Variants in TRAK1 observed in about 807,000 individuals in gnomAD.
TRAK1 encodes the protein trafficking kinesin protein 1.
In TRAK1, 33 loss-of-function variants were observed where a neutral mutation model predicts 92.1. That is an observed-to-expected ratio of 0.36 (90% CI 0.27 to 0.48). The LOEUF is 0.48. Ranked by LOEUF, TRAK1 falls within the 20% of genes least tolerant of loss-of-function variation. TRAK1 has a pLI of 0.99. For missense variants in TRAK1, 1,123 were observed against 1,257.9 expected, an observed-to-expected ratio of 0.89 and a Z score of 1.62; for synonymous variants, 521 against 517.3, an observed-to-expected ratio of 1.01 and a Z score of -0.10.
intron 1 of TRAK1, among the ~76,000 whole-genome samples, chr3:42,124,574 G>A (rs1183164003): frequency 6.6e-6 from 1 of 152,220 alleles, no homozygotes; most frequent in Non-Finnish European, 1.5e-5. Flanking sequence ...GCATTAGTAT[G>A]CACCCCCTGA....
At chr3:42,081,156 G>C (rs1704417670) in intron 1 of TRAK1, among the ~76,000 whole-genome samples, 1 of 152,196 alleles carries the variant, frequency 6.6e-6, no homozygotes, top group Non-Finnish European at 1.5e-5. Context: ...GGATTATGGT[G>C]TGAGCCACTG....
chr3:42,159,058 T>C (rs936716358), intron 2 of TRAK1, among the ~76,000 whole-genome samples: 11 of 151,886 alleles, frequency 7.2e-5, no homozygotes, highest in Non-Finnish European at 1.2e-4. Context: ...ATCTCTGGTT[T>C]TCTATTTAGA....
chr3:42,203,862 T>G, intron 13 of TRAK1: 1 of 903,676 alleles, frequency 1.1e-6, no homozygotes, highest in Non-Finnish European at 1.3e-6. Flanking sequence ...GTATTAAAAT[T>G]AAAAAGAATC....
Position 42,014,388 on chromosome 3 carries a change from C to T in TRAK1, c.-519+271C>T, listed in dbSNP as rs1259527731. ...TCCGAGGTGACAGTGAGGCGACCTTCAAAGAGCCTGGAGCTGAGCGCGGGC... is the reference window on the plus strand; with the variant it reads ...TCCGAGGTGACAGTGAGGCGACCTTTAAAGAGCCTGGAGCTGAGCGCGGGC... On this transcript the variant is annotated intron_variant, in intron 1 of 16. Coordinates refer to the TRAK1 transcript ENST00000487159. Among the ~76,000 whole-genome samples the T allele has an allele frequency of 2.6e-5, 4 of 152,182 alleles. No individual in the cohort carries two copies. In the South Asian group the frequency reaches 6.2e-4, roughly 24 times the overall value.
At chr3:42,182,299 C>CTT (rs57384116) in intron 3 of TRAK1, among the ~76,000 whole-genome samples, 2 of 144,290 alleles carry the variant, frequency 1.4e-5, no homozygotes, top group African/African-American at 2.6e-5. Context: ...GCAACTCTCT[C>CTT]TTTTTTTTTT....
At chr3:42,019,875 A>G (rs1701666042) in intron 1 of TRAK1, among the ~76,000 whole-genome samples, 1 of 152,260 alleles carries the variant, frequency 6.6e-6, no homozygotes, top group African/African-American at 2.4e-5. Context: ...CAATGAGAGC[A>G]GAAACTACCC....
chr3:42,042,935 T>A (rs9850297), intron 1 of TRAK1, among the ~76,000 whole-genome samples: 19,920 of 151,890 alleles, frequency 0.13, 1,785 homozygotes, highest in African/African-American at 0.25. Context: ...ATTATACTTA[T>A]CTCCTCATCT....
intron 1 of TRAK1, among the ~76,000 whole-genome samples, chr3:42,102,987 A>G (rs1054464302): frequency 3.3e-5 from 5 of 152,170 alleles, no homozygotes; most frequent in Admixed American, 1.3e-4. Flanking sequence ...TGCTTCATAC[A>G]GTTCATCCAT....
intron 2 of TRAK1, among the ~76,000 whole-genome samples, chr3:42,130,743 C>T (rs1372971773): frequency 6.6e-6 from 1 of 152,086 alleles, no homozygotes; most frequent in Non-Finnish European, 1.5e-5. Context: ...GCATATTAAA[C>T]CAGCTCCCCT....
At chr3:42,206,080 A>G (rs1025208062) in intron 13 of TRAK1, among the ~76,000 whole-genome samples, 5 of 152,254 alleles carry the variant, frequency 3.3e-5, no homozygotes, top group African/African-American at 1.2e-4. Flanking sequence ...AGAAATGGAA[A>G]GAAAGAGGTA....
At chr3:42,069,351 G>T (rs5029848) in intron 1 of TRAK1, among the ~76,000 whole-genome samples, 74,837 of 149,226 alleles carry the variant, frequency 0.5, 20,066 homozygotes, top group South Asian at 0.68. Flanking sequence ...AAAGTTATGG[G>T]TGGGTCGGAT....
At chr3:42,217,601 A>G (rs1440990373) in intron 14 of TRAK1, 4 of 985,242 alleles carry the variant, frequency 4.1e-6, no homozygotes, top group Non-Finnish European at 3.6e-6. Context: ...TATTCTGGCC[A>G]TATGTTTAAA....
At chr3:42,073,280 G>A (rs192820125) in intron 1 of TRAK1, among the ~76,000 whole-genome samples, 73 of 152,276 alleles carry the variant, frequency 4.8e-4, no homozygotes, top group African/African-American at 1.7e-3. Context: ...ACACTGCTCC[G>A]ACTTTCTGAC....
chr3:42,094,394 CAG>C (rs1449175032), intron 1 of TRAK1, among the ~76,000 whole-genome samples: 42 of 152,320 alleles, frequency 2.8e-4, no homozygotes, highest in African/African-American at 9.4e-4. Context: ...CTTTTAGAGT[CAG>C]AGTCTCACTC....
At chr3:42,048,460 T>A (rs1293368540) in intron 1 of TRAK1, among the ~76,000 whole-genome samples, 1 of 152,240 alleles carries the variant, frequency 6.6e-6, no homozygotes, top group African/African-American at 2.4e-5. Context: ...TATTCTGTGT[T>A]CCACCTGCTC....
At chr3:42,176,999 G>T in intron 3 of TRAK1, 109 bp downstream of exon 3, 1 of 1,033,660 alleles carries the variant, frequency 9.7e-7, no homozygotes, top group Non-Finnish European at 1.5e-6. Flanking sequence ...CTTGGAAATT[G>T]GTCTCTTTCG....
intron 2 of TRAK1, among the ~76,000 whole-genome samples, chr3:42,165,553 G>A (rs531756591): frequency 1.1e-4 from 17 of 152,180 alleles, no homozygotes; most frequent in Non-Finnish European, 1.5e-4. Flanking sequence ...CAGGAGTGCC[G>A]TGTCTTGGAG....
At chr3:42,015,921 C>T (rs1414219248) in intron 1 of TRAK1, among the ~76,000 whole-genome samples, 1 of 152,028 alleles carries the variant, frequency 6.6e-6, no homozygotes, top group African/African-American at 2.4e-5. Context: ...CCTGTAATCC[C>T]AGCTACTAAG....
chr3:42,108,649 C>T (rs1369956355), intron 1 of TRAK1, among the ~76,000 whole-genome samples: 7 of 151,942 alleles, frequency 4.6e-5, no homozygotes, highest in African/African-American at 1.7e-4. Flanking sequence ...CGGACACTAC[C>T]TGGCACCCTC....
Sources: gnomAD v4.1 joint callset for allele counts (sites outside exome capture counted in the v4.1 genomes callset) on GRCh38, gnomAD v4.1.1 for gene constraint, MANE v1.5 for transcripts, NCBI Gene and HGNC (gene_info 2026-07-23, HGNC 2026-07-21) for gene names.